The following PTPRD variants were observed in gnomAD, a reference collection of about 807,000 sequenced individuals.
The protein encoded by PTPRD is receptor-type tyrosine-protein phosphatase delta.
Under a neutral mutation model 214.5 loss-of-function variants are expected in PTPRD, and 34 were observed. The observed-to-expected ratio is 0.16, with a 90% CI of 0.12 to 0.21. PTPRD has a LOEUF of 0.21. Among genes scored for constraint, PTPRD ranks in the 10% least tolerant of loss-of-function variants. The pLI, the probability that PTPRD is intolerant of heterozygous loss-of-function variation, is 1.00. For synonymous variants in PTPRD, 1,128 were observed against 845.7 expected (o/e 1.33, Z -5.79); for missense variants, 2,545 against 2,398.7 (o/e 1.06, Z -1.27).
chr9:9,779,501 G>A (rs1443167293), intron 5 of PTPRD, among the ~76,000 whole-genome samples: 1 of 151,970 alleles, frequency 6.6e-6, no homozygotes, highest in Non-Finnish European at 1.5e-5. Context: ...TTAAACAAAT[G>A]CAACAAGCAA....
chr9:9,930,750 C>T (rs933123078), intron 5 of PTPRD, among the ~76,000 whole-genome samples: 3 of 151,588 alleles, frequency 2.0e-5, no homozygotes, highest in African/African-American at 7.3e-5. Flanking sequence ...TATACTTTTC[C>T]ACAAAATGAA....
At chr9:9,007,815 C>A (rs543419682) in intron 11 of PTPRD, among the ~76,000 whole-genome samples, 3 of 145,418 alleles carry the variant, frequency 2.1e-5, no homozygotes, top group Non-Finnish European at 4.5e-5. Context: ...TTTTTTTACA[C>A]CATAAATATA....
chr9:10,144,640 T>C (rs1246639265), intron 3 of PTPRD, among the ~76,000 whole-genome samples: 1 of 152,120 alleles, frequency 6.6e-6, no homozygotes. Context: ...CCTTCTTCAA[T>C]ATTTTGACCT....
At chr9:8,487,628 T>C (rs920316047) in intron 27 of PTPRD, among the ~76,000 whole-genome samples, 1 of 152,006 alleles carries the variant, frequency 6.6e-6, no homozygotes, top group Non-Finnish European at 1.5e-5. Context: ...CTGACCAACA[T>C]GGAGAAACCC....
At position 8,711,689 on chromosome 9, in the gene PTPRD, G is replaced by C. The variant is rs145831511; in HGVS notation, c.64+22091C>G. ...ACAGAGATTCTGATTAGGTTGGTTG[G>C]GAGGTGGGCCCAGGTATCTGTTGGT... On this transcript the variant is annotated intron_variant, in intron 12 of 45. Transcript: ENST00000381196. Among the ~76,000 whole-genome samples the C allele has an allele frequency of 3.6e-3, 552 of 152,254 alleles. 1 individual carries two copies. Among genetic ancestry groups the C allele is most frequent in the African/African-American group, 0.013 (537 of 41,542 alleles).
intron 3 of PTPRD, among the ~76,000 whole-genome samples, chr9:10,278,113 G>A (rs750546483): frequency 6.6e-5 from 10 of 150,692 alleles, no homozygotes; most frequent in Non-Finnish European, 1.2e-4. Flanking sequence ...CCGAGATAGC[G>A]CCACTGCACT....
At chr9:9,161,603 G>C (rs897300845) in intron 10 of PTPRD, among the ~76,000 whole-genome samples, 5 of 152,056 alleles carry the variant, frequency 3.3e-5, no homozygotes, top group East Asian at 1.9e-4. Context: ...ATACAATCCT[G>C]GGGGAGCAAA....
chr9:10,422,607 G>GAA (rs879475314), intron 2 of PTPRD, among the ~76,000 whole-genome samples: 1 of 151,098 alleles, frequency 6.6e-6, no homozygotes, highest in East Asian at 2.0e-4. Flanking sequence ...AAATTTACAA[G>GAA]AAAAAAAACA....
intron 9 of PTPRD, among the ~76,000 whole-genome samples, chr9:9,351,122 C>T (rs2050939211): frequency 1.3e-5 from 2 of 151,946 alleles, no homozygotes; most frequent in African/African-American, 4.8e-5. Context: ...ACTCAATTCC[C>T]TCAATATTCC....
chr9:8,327,852 C>G (rs1272834827), intron 44 of PTPRD, among the ~76,000 whole-genome samples: 3 of 152,124 alleles, frequency 2.0e-5, no homozygotes, highest in Admixed American at 2.0e-4. Flanking sequence ...CTTTGTTTTG[C>G]TTTCCATTTG....
chr9:9,603,660 T>C (rs1408045597), intron 7 of PTPRD, among the ~76,000 whole-genome samples: 1 of 152,034 alleles, frequency 6.6e-6, no homozygotes, highest in East Asian at 1.9e-4. Context: ...TGGAGCTCCT[T>C]ATGAGAATCT....
At chr9:8,585,377 G>C (rs978802727) in intron 14 of PTPRD, among the ~76,000 whole-genome samples, 10 of 152,224 alleles carry the variant, frequency 6.6e-5, no homozygotes, top group African/African-American at 2.4e-4. Flanking sequence ...GTTCTGTCAA[G>C]GTTTAATCAC....
At chr9:10,169,652 C>T (rs1018260298) in intron 3 of PTPRD, among the ~76,000 whole-genome samples, 1 of 152,052 alleles carries the variant, frequency 6.6e-6, no homozygotes, top group Non-Finnish European at 1.5e-5. Context: ...AAATTCTAAT[C>T]TTGAGTGTGG....
At chr9:8,741,106 T>C (rs1037056041) in intron 11 of PTPRD, among the ~76,000 whole-genome samples, 10 of 152,196 alleles carry the variant, frequency 6.6e-5, no homozygotes, top group African/African-American at 1.7e-4. Context: ...ATATAAATAT[T>C]AGTTATTTTC....
intron 5 of PTPRD, among the ~76,000 whole-genome samples, chr9:9,901,727 G>T (rs2153809500): frequency 6.6e-6 from 1 of 152,154 alleles, no homozygotes; most frequent in East Asian, 1.9e-4. Flanking sequence ...AAGAAAAGAG[G>T]TTTAACTGAC....
At chr9:9,819,049 A>T (rs10978007) in intron 5 of PTPRD, among the ~76,000 whole-genome samples, 15,114 of 152,118 alleles carry the variant, frequency 0.099, 2,266 homozygotes, top group East Asian at 0.74. Context: ...ATCCTGAGAT[A>T]CTGTCGAAAT....
intron 10 of PTPRD, among the ~76,000 whole-genome samples, chr9:9,175,009 T>C (rs2099923765): frequency 6.6e-6 from 1 of 151,990 alleles, no homozygotes; most frequent in South Asian, 2.1e-4. Flanking sequence ...GAAAACTGAT[T>C]TCCCCTTTCC....
chr9:10,095,390 T>C (rs775080370), intron 3 of PTPRD, among the ~76,000 whole-genome samples: 3 of 151,510 alleles, frequency 2.0e-5, no homozygotes, highest in Non-Finnish European at 4.4e-5. Context: ...TCAGAATCTA[T>C]GAATGCATTA....
At chr9:9,140,921 T>G (rs1265388945) in intron 10 of PTPRD, among the ~76,000 whole-genome samples, 2 of 152,154 alleles carry the variant, frequency 1.3e-5, no homozygotes, top group East Asian at 3.9e-4. Context: ...TTTTTCTTCC[T>G]GGGAATGAAG....
Sources: gnomAD v4.1 joint callset for allele counts (sites outside exome capture counted in the v4.1 genomes callset) on GRCh38, gnomAD v4.1.1 for gene constraint, MANE v1.5 for transcripts, NCBI Gene and HGNC (gene_info 2026-07-23, HGNC 2026-07-21) for gene names.